Variants in MYO5B observed in about 807,000 individuals in gnomAD.
The protein encoded by MYO5B is myosin VB.
A neutral mutation model predicts 229.3 loss-of-function variants in MYO5B; 143 were observed. The observed-to-expected ratio is 0.62, with a 90% CI of 0.54 to 0.72. The LOEUF is 0.72. Ranked by LOEUF, MYO5B falls within the 30% of genes least tolerant of loss-of-function variation. The pLI, the probability that MYO5B is intolerant of heterozygous loss-of-function variation, is 0.00. For missense variants in MYO5B, 2,321 were observed against 2,331.0 expected (o/e 1.00, Z 0.09); for synonymous variants, 918 against 885.2 (o/e 1.04, Z -0.66).
intron 17 of MYO5B, among the ~76,000 whole-genome samples, chr18:49,924,475 A>G (rs1213187930): frequency 3.3e-5 from 5 of 152,206 alleles, no homozygotes; most frequent in Non-Finnish European, 5.9e-5. Context: ...CCTGACTCCA[A>G]AGTCCAAGAA....
At chr18:50,035,523 T>C (rs2026439015) in intron 4 of MYO5B, among the ~76,000 whole-genome samples, 2 of 152,166 alleles carry the variant, frequency 1.3e-5, no homozygotes, top group African/African-American at 4.8e-5. Flanking sequence ...CTCTGTGCCA[T>C]ACCCGCGGCC....
chr18:49,850,459 A>G (rs1224796525), intron 31 of MYO5B: 1 of 152,326 alleles, frequency 6.6e-6, no homozygotes, highest in African/African-American at 2.4e-5. Flanking sequence ...CCCAAGCTAC[A>G]CACCTAGTTA....
At chr18:49,868,874 G>C (rs1598845041) in intron 27 of MYO5B, among the ~76,000 whole-genome samples, 1 of 152,254 alleles carries the variant, frequency 6.6e-6, no homozygotes, top group Non-Finnish European at 1.5e-5. Flanking sequence ...AGGGTACGTA[G>C]TCAATGTGCT....
At chr18:49,871,983 G>A (rs1258804070) in intron 27 of MYO5B, among the ~76,000 whole-genome samples, 184 bp downstream of exon 27, 1 of 152,192 alleles carries the variant, frequency 6.6e-6, no homozygotes, top group East Asian at 1.9e-4. Flanking sequence ...CATTCCTGTA[G>A]TAGATACAAA....
intron 1 of MYO5B, among the ~76,000 whole-genome samples, chr18:50,057,727 C>T (rs1005449832): frequency 6.6e-6 from 1 of 152,162 alleles, no homozygotes; most frequent in African/African-American, 2.4e-5. Context: ...ACCCACAAAA[C>T]CTATCACAAC....
Position 49,884,723 on chromosome 18 carries a change from C to A in MYO5B, c.3046-4268G>T, listed in dbSNP as rs557258363. Among the ~76,000 whole-genome samples, 8 of 152,240 alleles carry A rather than the reference C, an allele frequency of 5.3e-5. No individual in the cohort carries two copies. The South Asian group carries it at 1.5e-3, about 28-fold the overall frequency. ...TTCCTGGACCACTACTGGTCCATGGCCTAGGGGTTGGGGACTCCTGTGATA... is the reference window on the plus strand; with the variant it reads ...TTCCTGGACCACTACTGGTCCATGGACTAGGGGTTGGGGACTCCTGTGATA... On this transcript the variant is annotated intron_variant, in intron 22 of 39. Coordinates refer to ENST00000285039, the MANE Select transcript of MYO5B (RefSeq NM_001080467.3).
At chr18:50,053,909 AAT>A (rs1210661307) in intron 2 of MYO5B, among the ~76,000 whole-genome samples, 1 of 152,158 alleles carries the variant, frequency 6.6e-6, no homozygotes, top group Non-Finnish European at 1.5e-5. Flanking sequence ...TTCTCCAAGC[AAT>A]GTCTGTTCTG....
chr18:49,862,462 G>T (rs1251491792), intron 29 of MYO5B, among the ~76,000 whole-genome samples: 1 of 152,200 alleles, frequency 6.6e-6, no homozygotes, highest in Non-Finnish European at 1.5e-5. Flanking sequence ...GCCACAGGAA[G>T]GATGCCGCTA....
At chr18:50,097,294 T>A (rs567558997) in intron 1 of MYO5B, 1 of 456,672 alleles carries the variant, frequency 2.2e-6, no homozygotes, top group Non-Finnish European at 4.4e-6. Context: ...GTGGCTCACA[T>A]GTGCATCTCA....
chr18:50,123,195 A>G (rs950599578), intron 1 of MYO5B, among the ~76,000 whole-genome samples: 4 of 152,236 alleles, frequency 2.6e-5, no homozygotes, highest in African/African-American at 7.2e-5. Flanking sequence ...AAAAAGTCAC[A>G]TATTATATGA....
intron 17 of MYO5B, among the ~76,000 whole-genome samples, chr18:49,928,036 A>G (rs1278716877): frequency 6.6e-6 from 1 of 152,202 alleles, no homozygotes; most frequent in Admixed American, 6.5e-5. Flanking sequence ...AACTCAAAGT[A>G]GCACAGAAAA....
intron 14 of MYO5B, among the ~76,000 whole-genome samples, chr18:49,941,908 T>C (rs1201246291): frequency 2.3e-5 from 3 of 130,142 alleles, no homozygotes; most frequent in Non-Finnish European, 1.7e-5. Flanking sequence ...AGAGGCATCA[T>C]GCTACCTGAC....
intron 1 of MYO5B, among the ~76,000 whole-genome samples, chr18:50,120,464 A>C (rs2144530065): frequency 6.6e-6 from 1 of 152,308 alleles, no homozygotes; most frequent in East Asian, 1.9e-4. Context: ...AGAGAATCCC[A>C]TGTGAGGTCT....
intron 14 of MYO5B, among the ~76,000 whole-genome samples, chr18:49,952,656 C>A (rs2025442412): frequency 6.6e-6 from 1 of 152,156 alleles, no homozygotes; most frequent in African/African-American, 2.4e-5. Context: ...TTTCCTCTAC[C>A]TGTAGAATGG....
chr18:49,882,739 A>G (rs979869712), intron 22 of MYO5B, among the ~76,000 whole-genome samples: 6 of 151,708 alleles, frequency 4.0e-5, no homozygotes, highest in African/African-American at 1.5e-4. Context: ...GTTGATCAAT[A>G]TATGTAGATG....
intron 17 of MYO5B, among the ~76,000 whole-genome samples, chr18:49,929,044 A>C (rs2025160062): frequency 1.3e-5 from 2 of 152,200 alleles, no homozygotes; most frequent in South Asian, 4.1e-4. Flanking sequence ...GGTGCACCGA[A>C]ATCTCAGAAA....
intron 4 of MYO5B, among the ~76,000 whole-genome samples, chr18:50,025,460 A>T (rs2144364610): frequency 6.6e-6 from 1 of 152,238 alleles, no homozygotes; most frequent in South Asian, 2.1e-4. Flanking sequence ...GGATTTAAGG[A>T]TCTCCTCCCA....
chr18:49,867,219 A>G (rs995088143), intron 27 of MYO5B, among the ~76,000 whole-genome samples: 1 of 152,118 alleles, frequency 6.6e-6, no homozygotes, highest in African/African-American at 2.4e-5. Flanking sequence ...TGTGAATGAG[A>G]TACAGAGATT....
At chr18:50,073,235 A>G (rs980250848) in intron 1 of MYO5B, among the ~76,000 whole-genome samples, 4 of 152,208 alleles carry the variant, frequency 2.6e-5, no homozygotes, top group African/African-American at 9.7e-5. Context: ...CAGAATAAAA[A>G]TATTATAAAC....
Sources: allele counts gnomAD v4.1 joint callset (sites outside exome capture counted in the v4.1 genomes callset), GRCh38; gene constraint gnomAD v4.1.1; transcripts MANE v1.5; gene names NCBI Gene and HGNC (gene_info 2026-07-23, HGNC 2026-07-21).